ZNF609: variants seen among roughly 807,000 people sequenced by gnomAD.
ZNF609 encodes the protein zinc finger protein 609.
Under a neutral mutation model 109.5 loss-of-function variants are expected in ZNF609, and 11 were observed. The observed-to-expected ratio is 0.10, with a 90% confidence interval of 0.06 to 0.17. The LOEUF (loss-of-function observed/expected upper bound fraction) is 0.17, where lower values mean the gene tolerates loss of function less well. Among genes scored for constraint, ZNF609 ranks in the 10% least tolerant of loss-of-function variants. ZNF609 has a pLI of 1.00. For missense variants in ZNF609, 1,559 were observed against 1,772.4 expected (o/e 0.88, Z 2.16); for synonymous variants, 646 against 662.0 (o/e 0.98, Z 0.37).
At chr15:64,479,587 GGCC>G (rs1893222273) in intron 1 of ZNF609, among the ~76,000 whole-genome samples, 1 of 151,802 alleles carries the variant, frequency 6.6e-6, no homozygotes, top group Non-Finnish European at 1.5e-5. Context: ...CACCGCGCCT[GGCC>G]CGTACCTGTG....
rs115563535 is a variant in ZNF609 at position 64,571,471 on chromosome 15, T to C, written c.748-51356T>C. On this transcript the variant is annotated intron_variant, in intron 2 of 9. Transcript: ENST00000326648. ...AACAGCTGCTATTTTTATTGTACTT[T>C]TATATTTTTATATAATATATTTTTA... Among the ~76,000 whole-genome samples the C allele has an allele frequency of 2.4e-3, 364 of 152,136 alleles. 2 individuals carry two copies. The highest frequency in any genetic ancestry group is 8.5e-3 in the African/African-American group (351 of 41,530).
rs1896798194 is a variant in ZNF609 at position 64,675,631 on chromosome 15, C to G, written c.2777C>G (p.Thr926Arg). 6.2e-7 allele frequency: 1 copy of G among 1,613,688 alleles called. No individual in the cohort carries two copies. The highest frequency in any genetic ancestry group is 8.5e-7 in the Non-Finnish European group (1 of 1,179,966). ...GGAGTGGAGAGCCAGGCCCTGAAGA[C>G]AAAAAGGGATGAGGAACCTGAGAGC... Reference protein sequence around the residue: ...QAGVESQALKTKRDEEPESIE... With the variant: ...QAGVESQALKRKRDEEPESIE... The change falls in exon 5 of 10, where the codon ACA (threonine) becomes AGA (arginine). Residue 926 changes from threonine to arginine, a missense_variant. Transcript: ENST00000326648.
At chr15:64,595,218 G>A (rs572732159) in intron 2 of ZNF609, among the ~76,000 whole-genome samples, 1 of 151,848 alleles carries the variant, frequency 6.6e-6, no homozygotes, top group African/African-American at 2.4e-5. Context: ...AAAATTAGCC[G>A]GGCGTGGTGG....
chr15:64,521,021 C>T (rs903322105), intron 2 of ZNF609, among the ~76,000 whole-genome samples: 1 of 152,076 alleles, frequency 6.6e-6, no homozygotes, highest in South Asian at 2.1e-4. Context: ...AAAATCTTTC[C>T]GTTCTTCTTT....
At chr15:64,661,165 T>C (rs1414773939) in intron 3 of ZNF609, among the ~76,000 whole-genome samples, 2 of 152,166 alleles carry the variant, frequency 1.3e-5, no homozygotes, top group Admixed American at 6.5e-5. Flanking sequence ...TTTCACCATG[T>C]TGGCCAGGCT....
At chr15:64,596,425 A>AT (rs2140943532) in intron 2 of ZNF609, among the ~76,000 whole-genome samples, 1 of 152,212 alleles carries the variant, frequency 6.6e-6, no homozygotes, top group South Asian at 2.1e-4. Context: ...AAGTGCTGAG[A>AT]TTACAGGCGT....
intron 2 of ZNF609, among the ~76,000 whole-genome samples, chr15:64,504,765 G>A (rs1423718272): frequency 6.6e-6 from 1 of 151,928 alleles, no homozygotes; most frequent in African/African-American, 2.4e-5. Flanking sequence ...ACAGGCATGA[G>A]CCACCACACC....
chr15:64,621,216 T>C (rs1183232602), intron 2 of ZNF609, among the ~76,000 whole-genome samples: 14 of 152,210 alleles, frequency 9.2e-5, no homozygotes, highest in Admixed American at 9.2e-4. Flanking sequence ...AGTGTGTGCA[T>C]TGAGTGTCTT....
rs1896797693 is a variant in ZNF609 at position 64,675,609 on chromosome 15, G to A, written c.2755G>A (p.Val919Met). The A allele has an allele frequency of 6.2e-7, 1 of 1,614,012 alleles. No homozygotes were observed. Among genetic ancestry groups the A allele is most frequent in the Non-Finnish European group, 8.5e-7 (1 of 1,180,052 alleles). Residue 919 changes from valine to methionine, a missense_variant, in exon 5 of 10, where the codon GTG (valine) becomes ATG (methionine). This residue lies in a region of ZNF609 where 1,204 missense variants were observed against 1,314.1 expected (regional missense o/e 0.92). Transcript: ENST00000326648. ...TCTGAACCCCAGCAGCCAGGCAGGA[G>A]TGGAGAGCCAGGCCCTGAAGACAAA... Reference protein sequence around the residue: ...GALNPSSQAGVESQALKTKRD... With the variant: ...GALNPSSQAGMESQALKTKRD...
At chr15:64,489,889 T>C (rs190675332) in intron 1 of ZNF609, among the ~76,000 whole-genome samples, 58 of 152,270 alleles carry the variant, frequency 3.8e-4, no homozygotes, top group African/African-American at 1.3e-3. Context: ...TCTCTGGGGA[T>C]AAGAACTTCT....
intron 3 of ZNF609, among the ~76,000 whole-genome samples, chr15:64,632,607 A>T (rs956369023): frequency 2.6e-5 from 4 of 151,782 alleles, no homozygotes; most frequent in Non-Finnish European, 2.9e-5. Flanking sequence ...TCAGCCTCCC[A>T]AGTAGCTGGA....
chr15:64,510,343 TG>T (rs1893706006), intron 2 of ZNF609, among the ~76,000 whole-genome samples: 1 of 152,026 alleles, frequency 6.6e-6, no homozygotes, highest in Non-Finnish European at 1.5e-5. Flanking sequence ...TAGCAGGGAC[TG>T]CAGGCATATA....
rs1353096688 is a variant in ZNF609, at chr15:64,644,129, TA to T, written c.973+21078del. 3.3e-5 allele frequency among the ~76,000 whole-genome samples: 5 copies of T among 152,230 alleles called. No individual in the cohort carries two copies. In the East Asian group the frequency reaches 9.7e-4, roughly 29 times the overall value. On this transcript the variant is annotated intron_variant, in intron 3 of 9. Coordinates refer to ENST00000326648, the MANE Select transcript of ZNF609 (RefSeq NM_015042.2). ...AAAATATATGTGGGAACAAGCTTTTTATTTGTATTATTTATTTATTTTAAAC... is the reference window on the plus strand; with the variant it reads ...AAAATATATGTGGGAACAAGCTTTTTTTTGTATTATTTATTTATTTTAAAC...
intron 1 of ZNF609, among the ~76,000 whole-genome samples, chr15:64,466,995 G>C (rs1406044036): frequency 1.3e-5 from 2 of 152,110 alleles, no homozygotes; most frequent in Non-Finnish European, 2.9e-5. Context: ...AGCACAGTCA[G>C]ATCTATGAAT....
At chr15:64,619,226 C>T (rs1202862214) in intron 2 of ZNF609, among the ~76,000 whole-genome samples, 1 of 152,172 alleles carries the variant, frequency 6.6e-6, no homozygotes, top group Non-Finnish European at 1.5e-5. Context: ...TCTCAAACTC[C>T]TGGACTCAAG....
At chr15:64,662,784 GCCT>G (rs1452974138) in intron 3 of ZNF609, among the ~76,000 whole-genome samples, 3 of 152,172 alleles carry the variant, frequency 2.0e-5, no homozygotes, top group African/African-American at 7.2e-5. Flanking sequence ...TCTTGCCTCA[GCCT>G]CCTCAGGAGC....
At chr15:64,592,932 A>G in intron 2 of ZNF609, 1 of 827,844 alleles carries the variant, frequency 1.2e-6, no homozygotes, top group Non-Finnish European at 1.9e-6. Flanking sequence ...ACATAAATAA[A>G]TAAAATAAAA....
At chr15:64,525,205 T>A (rs1342041324) in intron 2 of ZNF609, among the ~76,000 whole-genome samples, 1 of 152,228 alleles carries the variant, frequency 6.6e-6, no homozygotes, top group Non-Finnish European at 1.5e-5. Context: ...ATTTTTATGG[T>A]TATAGCTCTT....
intron 1 of ZNF609, among the ~76,000 whole-genome samples, chr15:64,498,175 G>C (rs1385084167): frequency 6.6e-6 from 1 of 151,824 alleles, no homozygotes; most frequent in African/African-American, 2.4e-5. Flanking sequence ...TCAGCCTCCC[G>C]AGTAGCTGGG....
Sources: allele counts gnomAD v4.1 joint callset (sites outside exome capture counted in the v4.1 genomes callset), GRCh38; gene constraint gnomAD v4.1.1; regional missense constraint gnomAD v4.1.1; transcripts MANE v1.5; gene names NCBI Gene and HGNC (gene_info 2026-07-23, HGNC 2026-07-21).